ARPP21: variants seen among roughly 807,000 people sequenced by gnomAD.
ARPP21 encodes cAMP regulated phosphoprotein 21.
Under a neutral mutation model 113.2 loss-of-function variants are expected in ARPP21, and 69 were observed. The ratio of observed to expected loss-of-function variants is 0.61; its 90% CI spans 0.50 to 0.74. ARPP21 has a LOEUF of 0.74. ARPP21 is among the 30% of genes least tolerant of loss of function. ARPP21 has a pLI of 0.00. For synonymous variants in ARPP21, 368 were observed against 375.5 expected (o/e 0.98, Z 0.23); for missense variants, 1,070 against 1,037.4 (o/e 1.03, Z -0.43).
intron 9 of ARPP21, among the ~76,000 whole-genome samples, chr3:35,697,616 A>C (rs991404650): frequency 1.3e-5 from 2 of 151,582 alleles, no homozygotes; most frequent in Non-Finnish European, 3.0e-5. Context: ...AGAAAGGAGG[A>C]TCATGGGACT....
At chr3:35,791,799 C>A (rs1213325008) in intron 19 of ARPP21, among the ~76,000 whole-genome samples, 2 of 152,180 alleles carry the variant, frequency 1.3e-5, no homozygotes, top group East Asian at 1.9e-4. Context: ...GCATCACATG[C>A]GTCCCACTTG....
rs1200998927 is a variant in ARPP21 at position 35,639,536 on chromosome 3, GC to G, written c.-1074del. 3 of 152,630 alleles carry G rather than the reference GC, an allele frequency of 2.0e-5. No individual in the cohort carries two copies. The highest frequency in any genetic ancestry group is 6.5e-5 in the Admixed American group (1 of 15,288). 9.5% of individuals were successfully genotyped at this position (152,630 alleles called of 1,614,324 possible). A position where few individuals can be genotyped will look rare whatever the true frequency, so the allele number is the denominator to read the frequency against. On this transcript the variant is annotated 5_prime_UTR_variant, in exon 1 of 21. Transcript: ENST00000684406. The surrounding 1 kb of genome is among the most constrained non-coding windows in gnomAD (Gnocchi z 5.0). ...ACCGGCGGAGGGGCAGACGACGGAG[GC>G]GGCCAAGCTGGAGGAACGGGACCGA...
At chr3:35,700,259 C>T (rs1243004466) in intron 9 of ARPP21, among the ~76,000 whole-genome samples, 1 of 151,740 alleles carries the variant, frequency 6.6e-6, no homozygotes, top group East Asian at 1.9e-4. Flanking sequence ...AGATGCAGAG[C>T]TGAAAAGACG....
At chr3:35,664,634 T>A (rs773886765) in intron 1 of ARPP21, among the ~76,000 whole-genome samples, 3 of 152,104 alleles carry the variant, frequency 2.0e-5, no homozygotes, top group Non-Finnish European at 4.4e-5. Flanking sequence ...CTTTATCCCT[T>A]CGAATTGAGC....
At chr3:35,667,032 T>C (rs1032248751) in intron 1 of ARPP21, among the ~76,000 whole-genome samples, 1 of 152,166 alleles carries the variant, frequency 6.6e-6, no homozygotes, top group African/African-American at 2.4e-5. Context: ...CCAGAACCAA[T>C]CTGTCAGAAT....
At chr3:35,748,047 A>AGAAAAGG (rs1491267315) in intron 19 of ARPP21, among the ~76,000 whole-genome samples, 1,931 of 123,188 alleles carry the variant, frequency 0.016, 109 homozygotes, top group African/African-American at 0.061. Context: ...GGAGAGAGAG[A>AGAAAAGG]AAGAAAAGGA....
In ARPP21 at chr3:35,766,773, A is replaced by C. The variant is rs190742994; in HGVS notation, c.2137+22808A>C. Among the ~76,000 whole-genome samples, 72 of 152,274 alleles carry C rather than the reference A, an allele frequency of 4.7e-4. 1 individual carries two copies. Among genetic ancestry groups the C allele is most frequent in the Admixed American group, 1.8e-3 (27 of 15,284 alleles). ...CTTTCCAAGACTTTTATTTGTGTAA[A>C]TTGTAATGCACCATCACCTATTTCT... On this transcript the variant is annotated intron_variant, in intron 19 of 20. Coordinates refer to ENST00000684406, the MANE Select transcript of ARPP21 (RefSeq NM_001385562.1).
intron 19 of ARPP21, among the ~76,000 whole-genome samples, chr3:35,774,227 C>T (rs1041043087): frequency 8.5e-5 from 13 of 152,104 alleles, no homozygotes; most frequent in East Asian, 1.9e-4. Context: ...TGCCAGCCTG[C>T]GCAACATAGC....
rs551308240 is a variant in ARPP21 at position 35,758,605 on chromosome 3, T to C, written c.2137+14640T>C. ...TGAGAAAAAAAAAAACATGGAAATA[T>C]TTGCTCCCTAACTCCTTCCCCAGCA... On this transcript the variant is annotated intron_variant, in intron 19 of 20. Transcript: ENST00000684406. Among the ~76,000 whole-genome samples, 286 of 151,988 alleles carry C rather than the reference T, an allele frequency of 1.9e-3. 1 individual carries two copies. The highest frequency in any genetic ancestry group is 6.2e-3 in the African/African-American group (258 of 41,472).
At chr3:35,763,689 G>T (rs914891609) in intron 19 of ARPP21, among the ~76,000 whole-genome samples, 1 of 152,094 alleles carries the variant, frequency 6.6e-6, no homozygotes, top group Non-Finnish European at 1.5e-5. Context: ...GACTTTGAAG[G>T]CATAACTGAC....
intron 1 of ARPP21, among the ~76,000 whole-genome samples, chr3:35,647,424 A>C (rs1424130962): frequency 6.6e-6 from 1 of 152,112 alleles, no homozygotes; most frequent in Non-Finnish European, 1.5e-5. Flanking sequence ...ATTAAAAGTA[A>C]TAGAGAGGTT....
At chr3:35,718,187 C>T (rs2092668532) in intron 13 of ARPP21, among the ~76,000 whole-genome samples, 1 of 152,092 alleles carries the variant, frequency 6.6e-6, no homozygotes, top group African/African-American at 2.4e-5. Context: ...ACATTTTCTG[C>T]AATAATTCTG....
At position 35,690,840 on chromosome 3, in the gene ARPP21, C is replaced by T. The variant is rs376054114; in HGVS notation, c.546-25C>T. The T allele has an allele frequency of 3.8e-6, 6 of 1,576,520 alleles. No homozygotes were observed. The African/African-American group carries it at 8.2e-5, about 22-fold the overall frequency. On this transcript the variant is annotated intron_variant, in intron 8 of 20. Coordinates refer to ENST00000684406, the MANE Select transcript of ARPP21 (RefSeq NM_001385562.1). Reference sequence around the variant, plus strand: ...GGGCAAAAAATGAAAATGCTGATTCCACTTTTTCTTGAATTATGTTCTAGT... The same window carrying T: ...GGGCAAAAAATGAAAATGCTGATTCTACTTTTTCTTGAATTATGTTCTAGT...
At chr3:35,719,529 T>C (rs1026538882) in intron 13 of ARPP21, among the ~76,000 whole-genome samples, 3 of 152,110 alleles carry the variant, frequency 2.0e-5, no homozygotes, top group African/African-American at 4.8e-5. Flanking sequence ...GGGTGTAGAC[T>C]ACAACACACT....
chr3:35,737,970 A>T (rs1328124931), intron 16 of ARPP21, among the ~76,000 whole-genome samples: 2 of 152,198 alleles, frequency 1.3e-5, no homozygotes, highest in Non-Finnish European at 2.9e-5. Flanking sequence ...GACCCAGAGG[A>T]TCTAACCAAC....
intron 13 of ARPP21, among the ~76,000 whole-genome samples, chr3:35,718,007 A>C (rs1362560086): frequency 1.3e-5 from 2 of 152,158 alleles, no homozygotes; most frequent in Admixed American, 1.3e-4. Flanking sequence ...TGTACACAGT[A>C]CTATAAGTAT....
intron 19 of ARPP21, among the ~76,000 whole-genome samples, chr3:35,748,126 A>AAG (rs1292734809): frequency 1.5e-4 from 19 of 127,052 alleles, no homozygotes; most frequent in Middle Eastern, 3.8e-3. Flanking sequence ...AGAAAGAAAG[A>AAG]AAAGAAAGAA....
chr3:35,722,633 A>G (rs960154608), intron 14 of ARPP21, among the ~76,000 whole-genome samples: 5 of 152,116 alleles, frequency 3.3e-5, no homozygotes, highest in African/African-American at 1.2e-4. Flanking sequence ...TTTTTTTCCA[A>G]GTGAAGCAAA....
intron 15 of ARPP21, among the ~76,000 whole-genome samples, chr3:35,735,501 T>C (rs1213397408): frequency 1.3e-5 from 2 of 152,230 alleles, no homozygotes; most frequent in Non-Finnish European, 2.9e-5. Flanking sequence ...AGGCTGTTGT[T>C]CTTTCCTCTG....
Sources: gnomAD v4.1 joint callset for allele counts (sites outside exome capture counted in the v4.1 genomes callset) on GRCh38, gnomAD v4.1.1 for gene constraint, Gnocchi (gnomAD v3.1) non-coding constraint, MANE v1.5 for transcripts, NCBI Gene and HGNC (gene_info 2026-07-23, HGNC 2026-07-21) for gene names.